The following CRYM variants were observed in gnomAD, a reference collection of about 807,000 sequenced individuals.
The protein encoded by CRYM is ketimine reductase mu-crystallin.
CRYM carries 18 observed loss-of-function variants against 32.9 expected under a neutral mutation model. The ratio of observed to expected loss-of-function variants is 0.55; its 90% CI spans 0.38 to 0.81. CRYM has a LOEUF of 0.81. CRYM is among the 30% of genes least tolerant of loss of function. The pLI is 0.00. For missense variants in CRYM, 337 were observed against 393.5 expected, an observed-to-expected ratio of 0.86 and a Z score of 1.21; for synonymous variants, 153 against 152.4, an observed-to-expected ratio of 1.00 and a Z score of -0.03.
chr16:21,299,750 C>A (rs1960864957), intron 1 of CRYM, among the ~76,000 whole-genome samples: 1 of 152,212 alleles, frequency 6.6e-6, no homozygotes, highest in African/African-American at 2.4e-5. Flanking sequence ...TTAACTATAT[C>A]ATGGATACCA....
At chr16:21,297,447 A>G (rs1960812361) in intron 1 of CRYM, among the ~76,000 whole-genome samples, 1 of 152,212 alleles carries the variant, frequency 6.6e-6, no homozygotes, top group Non-Finnish European at 1.5e-5. Flanking sequence ...TGCTGTTTCT[A>G]TTAGCTCTTC....
chr16:21,261,144 G>A, intron 7 of CRYM, 110 bp downstream of exon 7: 1 of 841,120 alleles, frequency 1.2e-6, no homozygotes, highest in Non-Finnish European at 2.0e-6. Context: ...CTGAATGATG[G>A]AGCACAATGA....
intron 3 of CRYM, among the ~76,000 whole-genome samples, chr16:21,274,015 A>C (rs1321456570): frequency 6.6e-6 from 1 of 151,784 alleles, no homozygotes; most frequent in Non-Finnish European, 1.5e-5. Context: ...AGGTATCTAG[A>C]AAACCTCGAC....
chr16:21,289,868 T>C (rs974532512), intron 1 of CRYM, among the ~76,000 whole-genome samples: 1 of 151,588 alleles, frequency 6.6e-6, no homozygotes, highest in Non-Finnish European at 1.5e-5. Flanking sequence ...GGCTTCTGGG[T>C]GGAGTGGGGA....
chr16:21,274,121 T>C (rs1168303112), intron 3 of CRYM, among the ~76,000 whole-genome samples: 2 of 152,250 alleles, frequency 1.3e-5, no homozygotes, highest in African/African-American at 4.8e-5. Context: ...CCCAAGACCT[T>C]GTACTTCCAC....
chr16:21,278,420 C>A (rs559300241), upstream of CRYM: 265 of 766,704 alleles, frequency 3.5e-4, 3 homozygotes, highest in South Asian at 4.2e-3. Flanking sequence ...CCTCCCCCTT[C>A]GCCCACCTCG....
intron 4 of CRYM, among the ~76,000 whole-genome samples, chr16:21,269,143 CAAAAAAAA>C (rs35798113): frequency 1.3e-5 from 1 of 78,484 alleles, no homozygotes; most frequent in Non-Finnish European, 2.6e-5. Flanking sequence ...GACTCCATTT[CAAAAAAAA>C]AAAAAAAAAA....
At chr16:21,295,337 G>T (rs184389789) in intron 1 of CRYM, among the ~76,000 whole-genome samples, 153 of 152,264 alleles carry the variant, frequency 1.0e-3, no homozygotes, top group African/African-American at 3.5e-3. Flanking sequence ...AGCATCTGTG[G>T]TTTCTTGACT....
At chr16:21,271,830 C>T (rs1032345069) in intron 3 of CRYM, among the ~76,000 whole-genome samples, 4 of 151,808 alleles carry the variant, frequency 2.6e-5, no homozygotes, top group Admixed American at 6.6e-5. Context: ...AATTTGTTGC[C>T]CTGGTAATAG....
intron 1 of CRYM, among the ~76,000 whole-genome samples, chr16:21,288,725 T>C (rs1417169057): frequency 3.3e-5 from 5 of 152,176 alleles, no homozygotes; most frequent in African/African-American, 9.6e-5. Context: ...GAAATAGTTT[T>C]AAATGTAAGA....
At chr16:21,296,333 A>G (rs1393130281) in intron 1 of CRYM, among the ~76,000 whole-genome samples, 1 of 152,264 alleles carries the variant, frequency 6.6e-6, no homozygotes, top group African/African-American at 2.4e-5. Context: ...AGAGAAAAAT[A>G]GAAAAACAAT....
At chr16:21,285,377 T>C (rs2093405702) in intron 1 of CRYM, among the ~76,000 whole-genome samples, 1 of 152,248 alleles carries the variant, frequency 6.6e-6, no homozygotes, top group Non-Finnish European at 1.5e-5. Flanking sequence ...GTAATACCTG[T>C]ATGAATTGGG....
chr16:21,282,971 AAAG>A (rs2093400752), upstream of CRYM, among the ~76,000 whole-genome samples: 1 of 151,768 alleles, frequency 6.6e-6, no homozygotes, highest in African/African-American at 2.4e-5. Context: ...GACTTAACAG[AAAG>A]AAGATTAATA....
chr16:21,273,683 T>A, intron 3 of CRYM, among the ~76,000 whole-genome samples: 1 of 152,234 alleles, frequency 6.6e-6, no homozygotes, highest in East Asian at 1.9e-4. Flanking sequence ...CCTGGTTGTA[T>A]GACTTCAGGA....
chr16:21,271,434 T>C (rs2238478), intron 3 of CRYM, among the ~76,000 whole-genome samples: 51,299 of 152,064 alleles, frequency 0.34, 10,070 homozygotes, highest in African/African-American at 0.54. Flanking sequence ...CACTGGAATT[T>C]TGGAGTATAA....
At chr16:21,278,319 A>T, upstream of CRYM, 1 of 1,527,116 alleles carries the variant, frequency 6.5e-7, no homozygotes, top group Admixed American at 2.0e-5. Context: ...TGTGCCCTTT[A>T]TGAGCGCGCC....
chr16:21,288,853 T>C (rs181931127), intron 1 of CRYM, among the ~76,000 whole-genome samples: 5 of 152,306 alleles, frequency 3.3e-5, no homozygotes, highest in Non-Finnish European at 7.4e-5. Context: ...GACTCATTTG[T>C]TGCTTAAGTT....
chr16:21,293,633 GGTA>G (rs1960719295), intron 1 of CRYM, among the ~76,000 whole-genome samples: 1 of 152,100 alleles, frequency 6.6e-6, no homozygotes, highest in South Asian at 2.1e-4. Context: ...TTAGAATTAG[GGTA>G]GCAAAGAGAA....
chr16:21,295,945 A>G (rs977445619), intron 1 of CRYM, among the ~76,000 whole-genome samples: 4 of 152,032 alleles, frequency 2.6e-5, no homozygotes, highest in Non-Finnish European at 4.4e-5. Flanking sequence ...AAAAAAAAAA[A>G]GAAAGTTATT....
Sources: allele counts gnomAD v4.1 joint callset (sites outside exome capture counted in the v4.1 genomes callset), GRCh38; gene constraint gnomAD v4.1.1; transcripts MANE v1.5; gene names NCBI Gene and HGNC (gene_info 2026-07-23, HGNC 2026-07-21).